Variants in VOPP1 observed in about 807,000 individuals in gnomAD.
VOPP1 encodes the protein VOPP1 WW domain binding protein, also known as WW domain binding protein VOPP1.
Under a neutral mutation model 23.5 loss-of-function variants are expected in VOPP1, and 8 were observed. That is an observed-to-expected ratio of 0.34 (90% CI 0.20 to 0.61). The LOEUF (loss-of-function observed/expected upper bound fraction) is 0.61. Ranked by LOEUF, VOPP1 falls within the 20% of genes least tolerant of loss-of-function variation. VOPP1 has a pLI of 0.78. For synonymous variants in VOPP1, 83 were observed against 97.3 expected (o/e 0.85, Z 0.86); for missense variants, 174 against 238.1 (o/e 0.73, Z 1.77).
At chr7:55,555,927 T>C (rs1021856316) in intron 1 of VOPP1, among the ~76,000 whole-genome samples, 13 of 152,162 alleles carry the variant, frequency 8.5e-5, no homozygotes, top group Admixed American at 5.2e-4. Context: ...ATAACCCCAA[T>C]AGCCATCAGC....
In VOPP1 at chr7:55,492,422, A is replaced by C. The variant is rs767397534; in HGVS notation, c.192-4T>G. ...CACGCCCATCATCAGAAGGAACCTG[A>C]GGAGAGTACAGACGTGAGGGTGGTG... is the stretch of plus-strand genomic sequence containing the variant. On this transcript the variant is annotated splice_polypyrimidine_tract_variant and splice_region_variant and intron_variant, in intron 3 of 4. Transcript: ENST00000285279. The C allele has an allele frequency of 1.9e-6, 3 of 1,609,436 alleles. No individual in the cohort carries two copies. The Admixed American group carries it at 5.0e-5, about 27-fold the overall frequency.
At chr7:55,549,381 G>A (rs1797505752) in intron 1 of VOPP1, among the ~76,000 whole-genome samples, 1 of 152,158 alleles carries the variant, frequency 6.6e-6, no homozygotes, top group African/African-American at 2.4e-5. Context: ...ACATGCACGG[G>A]CCCATGGCTT....
intron 1 of VOPP1, among the ~76,000 whole-genome samples, chr7:55,528,051 A>G (rs1298620906): frequency 6.6e-6 from 1 of 152,212 alleles, no homozygotes; most frequent in Non-Finnish European, 1.5e-5. Context: ...GCAAGTTTAA[A>G]CAATTGAGAA....
intron 2 of VOPP1, among the ~76,000 whole-genome samples, chr7:55,519,918 A>G (rs1393135731): frequency 6.6e-6 from 1 of 152,228 alleles, no homozygotes; most frequent in Admixed American, 6.5e-5. Context: ...GCTTGAGGAT[A>G]GGAGTTCGAG....
chr7:55,527,476 C>A (rs1796257045), intron 1 of VOPP1, among the ~76,000 whole-genome samples: 1 of 152,220 alleles, frequency 6.6e-6, no homozygotes, highest in Non-Finnish European at 1.5e-5. Context: ...GGGATGCAGG[C>A]TGTAAACCTT....
chr7:55,450,422 C>T (rs151076619), intron 4 of VOPP1, among the ~76,000 whole-genome samples: 593 of 152,236 alleles, frequency 3.9e-3, no homozygotes, highest in Non-Finnish European at 7.2e-3. Flanking sequence ...CACTCACCAG[C>T]GCTACCAGCT....
intron 4 of VOPP1, among the ~76,000 whole-genome samples, chr7:55,449,458 A>G: frequency 6.6e-6 from 1 of 152,120 alleles, no homozygotes; most frequent in Non-Finnish European, 1.5e-5. Flanking sequence ...GTCCTCGTTC[A>G]GCTGCAGCGC....
intron 4 of VOPP1, among the ~76,000 whole-genome samples, chr7:55,449,352 C>T (rs1449434176): frequency 3.3e-5 from 5 of 152,166 alleles, no homozygotes; most frequent in African/African-American, 7.2e-5. Flanking sequence ...GGCGCCACTG[C>T]GGCCCTGCCT....
intron 4 of VOPP1, among the ~76,000 whole-genome samples, chr7:55,490,853 G>A (rs752356682): frequency 1.3e-5 from 2 of 152,144 alleles, no homozygotes; most frequent in Non-Finnish European, 2.9e-5. Context: ...ATATTTTTCT[G>A]AGCAACATTT....
chr7:55,459,299 G>A (rs1181102284), intron 4 of VOPP1, among the ~76,000 whole-genome samples: 2 of 152,082 alleles, frequency 1.3e-5, no homozygotes, highest in Non-Finnish European at 1.5e-5. Flanking sequence ...TGATTTTTAT[G>A]CCTGTGTTCA....
chr7:55,495,180 C>T (rs1032112659), intron 3 of VOPP1, among the ~76,000 whole-genome samples: 1 of 152,092 alleles, frequency 6.6e-6, no homozygotes, highest in African/African-American at 2.4e-5. Flanking sequence ...ACCCACAGTG[C>T]CACCTAGGCT....
At chr7:55,500,071 CAA>C (rs1263119051) in intron 2 of VOPP1, among the ~76,000 whole-genome samples, 1 of 152,122 alleles carries the variant, frequency 6.6e-6, no homozygotes, top group African/African-American at 2.4e-5. Flanking sequence ...CACGAATGTG[CAA>C]AGACAGGCGT....
chr7:55,525,191 G>A (rs1796099213), intron 1 of VOPP1, among the ~76,000 whole-genome samples: 1 of 152,104 alleles, frequency 6.6e-6, no homozygotes, highest in African/African-American at 2.4e-5. Context: ...CTCCTCGTTT[G>A]TAAGAGTACA....
intron 2 of VOPP1, among the ~76,000 whole-genome samples, chr7:55,509,705 C>G (rs2129033800): frequency 6.6e-6 from 1 of 152,300 alleles, no homozygotes; most frequent in African/African-American, 2.4e-5. Flanking sequence ...CTCACTGGCT[C>G]CATTTCCTGG....
intron 2 of VOPP1, among the ~76,000 whole-genome samples, chr7:55,516,770 C>T (rs545861893): frequency 1.4e-3 from 218 of 151,820 alleles, no homozygotes; most frequent in South Asian, 0.01. Flanking sequence ...AGAAAACAAC[C>T]TCTAACAAAA....
At chr7:55,513,295 AC>A (rs1795200547) in intron 2 of VOPP1, among the ~76,000 whole-genome samples, 1 of 152,212 alleles carries the variant, frequency 6.6e-6, no homozygotes, top group Admixed American at 6.5e-5. Context: ...AATTACAGGT[AC>A]TAGGTAAGCC....
At chr7:55,543,270 C>A (rs1466203153) in intron 1 of VOPP1, among the ~76,000 whole-genome samples, 1 of 152,196 alleles carries the variant, frequency 6.6e-6, no homozygotes, top group African/African-American at 2.4e-5. Context: ...TATAAAACCA[C>A]ATTTTCCTTA....
At position 55,517,193 on chromosome 7, in the gene VOPP1, C is replaced by T. The variant is rs780180781; in HGVS notation, c.113+3879G>A. 2.2e-4 allele frequency among the ~76,000 whole-genome samples: 33 copies of T among 151,350 alleles called. 1 individual carries two copies. The highest frequency in any genetic ancestry group is 3.1e-4 in the Non-Finnish European group (21 of 67,860). On this transcript the variant is annotated intron_variant, in intron 2 of 4. Coordinates refer to ENST00000285279, the MANE Select transcript of VOPP1 (RefSeq NM_030796.5). ...CGAACTCCTGAGCTCAGGAGATCAGCCCGACTCGGCCTCCCAGAGTGCTGG... is the reference window on the plus strand; with the variant it reads ...CGAACTCCTGAGCTCAGGAGATCAGTCCGACTCGGCCTCCCAGAGTGCTGG...
intron 4 of VOPP1, among the ~76,000 whole-genome samples, chr7:55,482,930 A>G (rs980941437): frequency 5.9e-5 from 9 of 152,238 alleles, no homozygotes; most frequent in Admixed American, 5.9e-4. Flanking sequence ...GATTTTTTAA[A>G]AACAAAAGCA....
Sources: allele counts gnomAD v4.1 joint callset (sites outside exome capture counted in the v4.1 genomes callset), GRCh38; gene constraint gnomAD v4.1.1; transcripts MANE v1.5; gene names NCBI Gene and HGNC (gene_info 2026-07-23, HGNC 2026-07-21).